Variants in COL22A1 observed in about 807,000 individuals in gnomAD.
COL22A1 encodes collagen type XXII alpha 1 chain, also known as collagen alpha-1(XXII) chain.
In COL22A1, 221 loss-of-function variants were observed where a neutral mutation model predicts 248.9. The ratio of observed to expected loss-of-function variants is 0.89; its 90% CI spans 0.80 to 0.99. The LOEUF (loss-of-function observed/expected upper bound fraction) is 0.99. Ranked by LOEUF, COL22A1 falls within the 50% of genes least tolerant of loss-of-function variation. The pLI is 0.00. For missense variants in COL22A1, 2,240 were observed against 2,179.0 expected, an observed-to-expected ratio of 1.03 and a Z score of -0.56; for synonymous variants, 891 against 793.4, an observed-to-expected ratio of 1.12 and a Z score of -2.07.
intron 7 of COL22A1, among the ~76,000 whole-genome samples, chr8:138,818,552 G>C (rs1390623883): frequency 1.3e-5 from 2 of 152,196 alleles, no homozygotes; most frequent in Admixed American, 1.3e-4. Flanking sequence ...AAGACGGGCT[G>C]CGTGAGTGGA....
chr8:138,615,099 G>A (rs368660866), intron 55 of COL22A1, among the ~76,000 whole-genome samples: 23 of 152,316 alleles, frequency 1.5e-4, no homozygotes, highest in African/African-American at 5.5e-4. Flanking sequence ...CAAAGGGCTG[G>A]TCCCTGGGGG....
chr8:138,737,163 G>A (rs891882960), intron 23 of COL22A1, among the ~76,000 whole-genome samples: 1 of 152,204 alleles, frequency 6.6e-6, no homozygotes, highest in Non-Finnish European at 1.5e-5. Context: ...CTGGCTGGCA[G>A]TGCCTTGTCT....
At chr8:138,790,090 G>A (rs775882074) in intron 12 of COL22A1, among the ~76,000 whole-genome samples, 12 of 152,246 alleles carry the variant, frequency 7.9e-5, no homozygotes, top group Middle Eastern at 6.8e-3. Flanking sequence ...GTCTTTTGGG[G>A]CTACCATAAA....
At position 138,802,857 on chromosome 8, in the gene COL22A1, C is replaced by T. The variant is rs779610835; in HGVS notation, c.1557+15G>A. On this transcript the variant is annotated intron_variant, in intron 11 of 64. Coordinates refer to ENST00000303045, the MANE Select transcript of COL22A1 (RefSeq NM_152888.3). ...CCTGAGGTTCAGCCATGTAGAGGAG[C>T]AGCCATCTACTCACCACATCACCTT... 31 of 1,606,608 alleles carry T rather than the reference C, an allele frequency of 1.9e-5. No individual in the cohort carries two copies. The highest frequency in any genetic ancestry group is 2.6e-5 in the Non-Finnish European group (31 of 1,173,290).
intron 12 of COL22A1, among the ~76,000 whole-genome samples, chr8:138,787,094 G>C (rs781143271): frequency 1.3e-4 from 20 of 152,170 alleles, no homozygotes; most frequent in East Asian, 5.8e-4. Flanking sequence ...TGAAATGTGA[G>C]CTCTTCCATT....
chr8:138,697,491 G>T (rs930851245), intron 32 of COL22A1, among the ~76,000 whole-genome samples: 2 of 152,100 alleles, frequency 1.3e-5, no homozygotes, highest in African/African-American at 2.4e-5. Flanking sequence ...TCCAGCAAAG[G>T]TTCTGACATC....
chr8:138,796,478 G>T (rs1260280264), intron 12 of COL22A1, among the ~76,000 whole-genome samples: 1 of 122,906 alleles, frequency 8.1e-6, no homozygotes, highest in Admixed American at 9.5e-5. Context: ...TATCTTAATT[G>T]GGACCTGCCC....
At chr8:138,904,053 C>T (rs1010442018) in intron 1 of COL22A1, among the ~76,000 whole-genome samples, 9 of 152,122 alleles carry the variant, frequency 5.9e-5, no homozygotes, top group Non-Finnish European at 8.8e-5. Flanking sequence ...ATTTCCCTAT[C>T]CCCGCTTTTT....
intron 16 of COL22A1, among the ~76,000 whole-genome samples, chr8:138,766,602 G>T (rs1265213628): frequency 6.6e-6 from 1 of 152,096 alleles, no homozygotes; most frequent in Admixed American, 6.6e-5. Flanking sequence ...GAGAGATAAA[G>T]AGACACAGAG....
chr8:138,889,317 T>C (rs1413984297), intron 1 of COL22A1, among the ~76,000 whole-genome samples: 1 of 152,194 alleles, frequency 6.6e-6, no homozygotes, highest in Admixed American at 6.5e-5. Context: ...CCAACCCAAA[T>C]GTCCAACAAT....
chr8:138,590,703 A>G (rs944077185), intron 64 of COL22A1, among the ~76,000 whole-genome samples: 6 of 152,234 alleles, frequency 3.9e-5, no homozygotes, highest in Non-Finnish European at 5.9e-5. Context: ...AGTTAAATAA[A>G]AAATAGAAGC....
At chr8:138,759,131 T>C (rs967690823) in intron 18 of COL22A1, among the ~76,000 whole-genome samples, 3 of 152,230 alleles carry the variant, frequency 2.0e-5, no homozygotes, top group African/African-American at 7.2e-5. Context: ...CGGCTAGCAC[T>C]GAAGCCCGAG....
chr8:138,712,503 A>T (rs1167839307), intron 30 of COL22A1, among the ~76,000 whole-genome samples: 1 of 152,148 alleles, frequency 6.6e-6, no homozygotes, highest in Non-Finnish European at 1.5e-5. Context: ...ATCTATCAGC[A>T]GGGTGTATGT....
intron 30 of COL22A1, among the ~76,000 whole-genome samples, chr8:138,704,421 C>T (rs1828235235): frequency 6.6e-6 from 1 of 152,188 alleles, no homozygotes; most frequent in South Asian, 2.1e-4. Context: ...CCCTCTGAGA[C>T]GAAGCTTCCA....
At position 138,751,504 on chromosome 8, in the gene COL22A1, A is replaced by C; in HGVS notation, c.2039T>G (p.Ile680Arg). The C allele has an allele frequency of 1.2e-6, 2 of 1,611,630 alleles. No homozygotes were observed. Among genetic ancestry groups the C allele is most frequent in the East Asian group, 4.5e-5 (2 of 44,774 alleles). ...AGGTCCATCCCTGCCTTCTGGGCCT[A>C]TTGGACCCTTTAGGAGGGAGAAAAA... Reference protein sequence around the residue: ...APGPPGARGPIGPEGRDGPPG... With the variant: ...APGPPGARGPRGPEGRDGPPG... The change falls in exon 22 of 65, where the codon ATA becomes AGA. Residue 680 changes from isoleucine to arginine, a missense_variant. Physicochemically the swap from Ile to Arg is moderately conservative, Grantham distance 97. Transcript: ENST00000303045.
Position 138,789,732 on chromosome 8 carries a change from T to A in COL22A1, c.1596+7087A>T, listed in dbSNP as rs749561331. The stretch of plus-strand genomic sequence containing the variant: ...GGGATCCCCACTCTTGTGTCTTGTG[T>A]CAGGTGGATGCAGGCTTGGCCCCAC... On this transcript the variant is annotated intron_variant, in intron 12 of 64. Coordinates refer to ENST00000303045, the MANE Select transcript of COL22A1 (RefSeq NM_152888.3). 4.2e-4 allele frequency among the ~76,000 whole-genome samples: 64 copies of A among 152,316 alleles called. No homozygotes were observed. The Middle Eastern group carries it at 0.01, about 24-fold the overall frequency.
At chr8:138,800,757 C>A (rs1816932930) in intron 11 of COL22A1, among the ~76,000 whole-genome samples, 1 of 152,180 alleles carries the variant, frequency 6.6e-6, no homozygotes, top group African/African-American at 2.4e-5. Context: ...CTGGTGGTTT[C>A]TCTGAATTCA....
intron 23 of COL22A1, among the ~76,000 whole-genome samples, chr8:138,729,472 C>G (rs1830554390): frequency 6.6e-6 from 1 of 152,134 alleles, no homozygotes; most frequent in South Asian, 2.1e-4. Flanking sequence ...TTGTTTGATG[C>G]TGTACACTTC....
chr8:138,704,577 G>A (rs549838298), intron 30 of COL22A1, among the ~76,000 whole-genome samples: 1 of 152,164 alleles, frequency 6.6e-6, no homozygotes, highest in East Asian at 1.9e-4. Context: ...ACTGTTAGAA[G>A]GAAAACTAAC....
Sources: allele counts gnomAD v4.1 joint callset (sites outside exome capture counted in the v4.1 genomes callset), GRCh38; gene constraint gnomAD v4.1.1; transcripts MANE v1.5; gene names NCBI Gene and HGNC (gene_info 2026-07-23, HGNC 2026-07-21).